TANC1: variants seen among roughly 807,000 people sequenced by gnomAD.
The protein encoded by TANC1 is protein TANC1.
Under a neutral mutation model 149.7 loss-of-function variants are expected in TANC1, and 77 were observed. The observed-to-expected ratio is 0.51, with a 90% CI of 0.43 to 0.62. The LOEUF (loss-of-function observed/expected upper bound fraction) is 0.62, where lower values mean the gene tolerates loss of function less well. Among genes scored for constraint, TANC1 ranks in the 20% least tolerant of loss-of-function variants. TANC1 has a pLI of 0.00. For missense variants in TANC1, 1,985 were observed against 2,321.8 expected, an observed-to-expected ratio of 0.85 and a Z score of 2.98; for synonymous variants, 854 against 925.0, an observed-to-expected ratio of 0.92 and a Z score of 1.39.
intron 1 of TANC1, among the ~76,000 whole-genome samples, chr2:158,995,136 C>T (rs1051824295): frequency 6.6e-6 from 1 of 152,196 alleles, no homozygotes; most frequent in Non-Finnish European, 1.5e-5. Context: ...TACTAATTCT[C>T]CCCCACCTGT....
At chr2:159,149,565 A>C (rs1330796105) in intron 6 of TANC1, 1 of 382,326 alleles carries the variant, frequency 2.6e-6, no homozygotes, top group Non-Finnish European at 4.9e-6. Flanking sequence ...TCATAATGCT[A>C]CCAGTACTTT....
intron 2 of TANC1, among the ~76,000 whole-genome samples, chr2:159,062,992 A>AAAAAAAAAAAAAAAAAAAAAAAAAAAAAG (rs1559188236): frequency 6.8e-6 from 1 of 147,414 alleles, no homozygotes; most frequent in African/African-American, 2.5e-5. Flanking sequence ...AAAAAAAAAA[A>AAAAAAAAAAAAAAAAAAAAAAAAAAAAAG]AAAGAAAGCA....
At chr2:159,008,559 G>T (rs538676723) in intron 2 of TANC1, among the ~76,000 whole-genome samples, 4 of 152,138 alleles carry the variant, frequency 2.6e-5, no homozygotes, top group Admixed American at 6.5e-5. Flanking sequence ...CCAAAACGTC[G>T]AATCTTACTG....
At position 159,108,926 on chromosome 2, in the gene TANC1, G is replaced by A. The variant is rs909064571; in HGVS notation, c.259+11092G>A. On this transcript the variant is annotated intron_variant, in intron 4 of 26. Transcript: ENST00000263635. ...CCTTGCCTGGGGTGGGGCCTATCGA[G>A]ATAGTTAACTGTGCCATGCAGGGAG... 7.9e-5 allele frequency among the ~76,000 whole-genome samples: 12 copies of A among 152,198 alleles called. 1 individual carries two copies. Among genetic ancestry groups the A allele is most frequent in the Admixed American group, 6.5e-4 (10 of 15,284 alleles).
intron 1 of TANC1, among the ~76,000 whole-genome samples, chr2:158,982,449 G>T (rs1289953302): frequency 7.2e-5 from 11 of 152,246 alleles, no homozygotes; most frequent in African/African-American, 2.7e-4. Flanking sequence ...TCTGTAGAAT[G>T]GGGACAATAA....
chr2:159,047,193 C>A (rs978857596), intron 2 of TANC1, among the ~76,000 whole-genome samples: 1 of 150,440 alleles, frequency 6.6e-6, no homozygotes, highest in African/African-American at 2.4e-5. Flanking sequence ...TCATTTCCCC[C>A]CCCCAGTTAT....
chr2:158,989,638 T>C (rs2035404342), intron 1 of TANC1, among the ~76,000 whole-genome samples: 1 of 152,038 alleles, frequency 6.6e-6, no homozygotes, highest in Admixed American at 6.6e-5. Context: ...AGAATCTTTT[T>C]TGTTTTCGGC....
At chr2:158,998,852 C>A (rs371665413) in intron 1 of TANC1, among the ~76,000 whole-genome samples, 2 of 152,128 alleles carry the variant, frequency 1.3e-5, no homozygotes, top group Admixed American at 6.5e-5. Flanking sequence ...GCCATTCCCC[C>A]CTCCCCTCTG....
At chr2:159,000,233 T>C (rs751506017) in intron 1 of TANC1, among the ~76,000 whole-genome samples, 3 of 151,854 alleles carry the variant, frequency 2.0e-5, no homozygotes, top group Non-Finnish European at 4.4e-5. Flanking sequence ...GTGAAGAAGG[T>C]TGGCTTGGAA....
Position 159,229,903 on chromosome 2 carries a change from G to A in TANC1, c.4477G>A (p.Glu1493Lys), listed in dbSNP as rs1339451984. Residue 1493 changes from glutamate (E) to lysine (K), a missense_variant, in exon 27 of 27, where the codon GAA becomes AAA. By Grantham distance (56) the Glu-to-Lys change is moderately conservative (BLOSUM62 1). Transcript: ENST00000263635. ...TTCCTCATACATCCGAAACCTTCAAGAAGGGTTACAGTCCAAAGGAAGGCC... is the reference window on the plus strand; with the variant it reads ...TTCCTCATACATCCGAAACCTTCAAAAAGGGTTACAGTCCAAAGGAAGGCC... ...VPSSYIRNLQ[E>K]GLQSKGRPVS... 2 of 1,614,102 alleles carry A rather than the reference G, an allele frequency of 1.2e-6. No individual in the cohort carries two copies. Among genetic ancestry groups the A allele is most frequent in the East Asian group, 2.2e-5 (1 of 44,874 alleles).
intron 2 of TANC1, among the ~76,000 whole-genome samples, chr2:159,054,340 A>G (rs954703968): frequency 6.6e-6 from 1 of 152,170 alleles, no homozygotes; most frequent in Non-Finnish European, 1.5e-5. Flanking sequence ...AAGTGCTTAG[A>G]ACAGGGCCAG....
intron 2 of TANC1, among the ~76,000 whole-genome samples, chr2:159,059,783 CT>C (rs1206715682): frequency 2.0e-5 from 3 of 151,904 alleles, no homozygotes; most frequent in Admixed American, 2.0e-4. Context: ...CTCCTAGGAT[CT>C]CCTAGGAGTG....
At chr2:159,038,236 G>A (rs55812913) in intron 2 of TANC1, among the ~76,000 whole-genome samples, 37,144 of 152,110 alleles carry the variant, frequency 0.24, 5,956 homozygotes, top group Non-Finnish European at 0.37. Context: ...TTGCTTATCA[G>A]CTTAAGGAGA....
At chr2:159,163,598 C>A in intron 8 of TANC1, 52 bp downstream of exon 8, 1 of 1,570,354 alleles carries the variant, frequency 6.4e-7, no homozygotes, top group South Asian at 1.2e-5. Context: ...CCAAGGTGCC[C>A]TGTGTTCACT....
At chr2:159,222,169 A>G (rs1482319509) in intron 22 of TANC1, among the ~76,000 whole-genome samples, 3 of 152,220 alleles carry the variant, frequency 2.0e-5, no homozygotes, top group Non-Finnish European at 4.4e-5. Context: ...TTTTTCAGCT[A>G]CCTTCCCACA....
intron 2 of TANC1, among the ~76,000 whole-genome samples, chr2:159,051,439 G>A (rs557140338): frequency 6.6e-6 from 1 of 152,312 alleles, no homozygotes; most frequent in East Asian, 1.9e-4. Context: ...AGTGATCAAA[G>A]GTTTCACTGC....
chr2:158,972,024 G>A (rs1279906859), intron 1 of TANC1, among the ~76,000 whole-genome samples: 3 of 152,054 alleles, frequency 2.0e-5, no homozygotes, highest in Non-Finnish European at 4.4e-5. Flanking sequence ...AGAACCCCAG[G>A]GTTAACATCT....
At chr2:159,193,126 C>T (rs1430237419) in intron 16 of TANC1, among the ~76,000 whole-genome samples, 1 of 152,184 alleles carries the variant, frequency 6.6e-6, no homozygotes, top group Non-Finnish European at 1.5e-5. Flanking sequence ...TAAGCAACAA[C>T]TCTCATTTCC....
intron 16 of TANC1, among the ~76,000 whole-genome samples, chr2:159,192,770 C>T (rs1439862017): frequency 6.6e-6 from 1 of 152,210 alleles, no homozygotes; most frequent in Admixed American, 6.5e-5. Context: ...CTGCATCAGT[C>T]TCCTGAGTGG....
Sources: allele counts gnomAD v4.1 joint callset (sites outside exome capture counted in the v4.1 genomes callset), GRCh38; gene constraint gnomAD v4.1.1; transcripts MANE v1.5; gene names NCBI Gene and HGNC (gene_info 2026-07-23, HGNC 2026-07-21).